Variants in RBM22 observed in about 807,000 individuals in gnomAD.
RBM22 encodes RNA binding motif protein 22.
In RBM22, 1 loss-of-function variant was observed where a neutral mutation model predicts 50.1. The observed-to-expected ratio is 0.02, with a 90% confidence interval of 0.01 to 0.09. The LOEUF is 0.09. Among genes scored for constraint, RBM22 ranks in the 10% least tolerant of loss-of-function variants. RBM22 has a pLI of 1.00. For missense variants in RBM22, 264 were observed against 529.3 expected (o/e 0.50, Z 4.92); for synonymous variants, 152 against 179.0 (o/e 0.85, Z 1.20).
intron 3 of RBM22, 54 bp from the exon 4 acceptor site, chr5:150,698,685 T>A: frequency 6.3e-7 from 1 of 1,595,736 alleles, no homozygotes; most frequent in Non-Finnish European, 8.5e-7. Context: ...CTGGGCAATC[T>A]GGAGATCTGA....
chr5:150,695,292 AG>A (rs1406972472), intron 7 of RBM22: 1 of 546,622 alleles, frequency 1.8e-6, no homozygotes, highest in East Asian at 3.1e-5. Flanking sequence ...TTGAGATTAC[AG>A]GCATGAGGCA....
rs1278544167 is a variant in RBM22 at position 150,699,397 on chromosome 5, A to AGAG, written c.109-127_109-126insCTC. 1.4e-5 allele frequency: 19 copies of AGAG among 1,310,846 alleles called. No individual in the cohort carries two copies. In the African/African-American group the frequency reaches 2.9e-4, roughly 20 times the overall value. The allele number at this position is 1,310,846 out of a possible 1,614,324, so 81.2% of individuals were successfully genotyped here. ...TCCCTGGCATCCTAGAGAGAGAAAA[A>AGAG]CAGCAACAACAAAACCCAAAACCCA... On this transcript the variant is annotated intron_variant, in intron 2 of 10. Coordinates refer to ENST00000199814, the MANE Select transcript of RBM22 (RefSeq NM_018047.3).
chr5:150,698,875 A>G lies in RBM22; in HGVS notation c.139-244T>C, dbSNP rs139683061. 8.5e-5 allele frequency among the ~76,000 whole-genome samples: 13 copies of G among 152,326 alleles called. No individual in the cohort carries two copies. In the East Asian group the frequency reaches 2.5e-3, roughly 29 times the overall value. On this transcript the variant is annotated intron_variant, in intron 3 of 10. Coordinates refer to ENST00000199814, the MANE Select transcript of RBM22 (RefSeq NM_018047.3). The stretch of plus-strand genomic sequence containing the variant: ...TCTTCCCATCCTAGAGCTAAGCACC[A>G]ATAATAATCTGAACCTTAATCTTTT...
rs776590022 is a variant in RBM22, at chr5:150,696,936, CAT to C, written c.272-47_272-46del. 1.3e-6 allele frequency: 2 copies of C among 1,539,506 alleles called. No homozygotes were observed. Among genetic ancestry groups the C allele is most frequent in the Admixed American group, 3.4e-5 (2 of 59,410 alleles). On this transcript the variant is annotated intron_variant, in intron 4 of 10. Transcript: ENST00000199814. This position sits in a 1 kb window ranked among gnomAD's most constrained non-coding sequence, Gnocchi z 4.3. ...AAAAGACCTCAGATGTATTTTAAAACATATCCATACTAACCATGCACACAGAA... is the reference window on the plus strand; with the variant it reads ...AAAAGACCTCAGATGTATTTTAAAACATCCATACTAACCATGCACACAGAA...
intron 7 of RBM22, chr5:150,694,514 G>T (rs1759249195): frequency 2.7e-6 from 1 of 374,748 alleles, no homozygotes. Context: ...GTTCTTTAAA[G>T]ACCCTAAACC....
chr5:150,693,606 C>T (rs1759237761), intron 8 of RBM22, among the ~76,000 whole-genome samples: 1 of 152,250 alleles, frequency 6.6e-6, no homozygotes, highest in Admixed American at 6.5e-5. Flanking sequence ...TATTAGCCAT[C>T]ACTTCCCTGG....
rs749940276 is a variant in RBM22 at position 150,696,929 on chromosome 5, T to C, written c.272-38A>G. The C allele has an allele frequency of 1.9e-6, 3 of 1,577,366 alleles. No homozygotes were observed. Among genetic ancestry groups the C allele is most frequent in the Non-Finnish European group, 2.6e-6 (3 of 1,147,126 alleles). On this transcript the variant is annotated intron_variant, in intron 4 of 10. Transcript: ENST00000199814. This position sits in a 1 kb window ranked among gnomAD's most constrained non-coding sequence, Gnocchi z 4.3. The stretch of plus-strand genomic sequence containing the variant: ...AAGAGGAAAAAGACCTCAGATGTAT[T>C]TTAAAACATATCCATACTAACCATG...
rs766425991 is a variant in RBM22, at chr5:150,690,953, G to T, written c.*798C>A. 2.0e-5 allele frequency: 3 copies of T among 152,320 alleles called. No individual in the cohort carries two copies. The highest frequency in any genetic ancestry group is 2.9e-5 in the Non-Finnish European group (2 of 68,046). The allele number at this position is 152,320 out of a possible 1,614,324, so 9.4% of individuals were successfully genotyped here. On this transcript the variant is annotated 3_prime_UTR_variant, in exon 11 of 11. Coordinates refer to ENST00000199814, the MANE Select transcript of RBM22 (RefSeq NM_018047.3). ...AAGGTGAATGCTGAAGACCATCAGA[G>T]TCCCAGCAGGAGGTCACGTCTTTCA...
At chr5:150,700,255 C>T (rs1759328248) in intron 2 of RBM22, among the ~76,000 whole-genome samples, 189 bp downstream of exon 2, 2 of 152,164 alleles carry the variant, frequency 1.3e-5, no homozygotes, top group Non-Finnish European at 1.5e-5. Flanking sequence ...TCGTTATTAC[C>T]CCTACATTAC....
At chr5:150,692,118 G>C (rs1322487037) in intron 10 of RBM22, among the ~76,000 whole-genome samples, 1 of 152,140 alleles carries the variant, frequency 6.6e-6, no homozygotes, top group Non-Finnish European at 1.5e-5. Context: ...TGTCATCTGA[G>C]TCTCTGCTAT....
At position 150,693,009 on chromosome 5, in the gene RBM22, CAGG is replaced by C. The variant is rs757619117; in HGVS notation, c.1015_1017del (p.Pro339del). ...TTGGCAGAGGCTTCTTCTTCTGCTG[CAGG>C]AGGAGGAGGAAGAGCTGGAGGAGAG... On this transcript the variant is annotated inframe_deletion, in exon 10 of 11. Coordinates refer to ENST00000199814, the MANE Select transcript of RBM22 (RefSeq NM_018047.3). 2.7e-4 allele frequency: 437 copies of C among 1,610,876 alleles called. 5 individuals are homozygous for C. In the East Asian group the frequency reaches 9.4e-3, roughly 35 times the overall value.
In RBM22 at chr5:150,691,813, G is replaced by A; in HGVS notation, c.1201C>T (p.His401Tyr). The A allele has an allele frequency of 6.2e-7, 1 of 1,600,978 alleles. No individual in the cohort carries two copies. Residue 401 changes from histidine to tyrosine, a missense_variant, in exon 11 of 11, where the codon CAC becomes TAC. Physicochemically the swap from His to Tyr is moderately conservative, Grantham distance 83. This residue lies in a region of RBM22 where 106 missense variants were observed against 137.1 expected (regional missense o/e 0.77). Coordinates refer to ENST00000199814, the MANE Select transcript of RBM22 (RefSeq NM_018047.3). The part of the protein sequence containing the change: ...PPFMRAPGPI[H>Y]YPSQDPQRMG... ...CTCTGAGGGTCCTGAGAAGGATAGT[G>A]GATTGGTCCTGGAGCCCGCATGAAA...
chr5:150,696,651 T>C lies in RBM22; in HGVS notation c.427A>G (p.Thr143Ala), dbSNP rs555371168. The change falls in exon 6 of 11, where the codon ACC becomes GCC. Residue 143 changes from threonine to alanine, a missense_variant. Physicochemically the swap from Thr to Ala is moderately conservative, Grantham distance 58 (BLOSUM62 0). This residue lies in a region of RBM22 where 44 missense variants were observed against 57.9 expected (regional missense o/e 0.76). Transcript: ENST00000199814. The surrounding 1 kb of genome is among the most constrained non-coding windows in gnomAD (Gnocchi z 4.3). ...GCCAGTTTGAGCAGCATGTCACTGG[T>C]AGATGTGGCTTTCCCCAGCATGCCA... The part of the protein sequence containing the change: ...PVGMLGKATS[T>A]SDMLLKLART... 1.2e-5 allele frequency: 20 copies of C among 1,614,176 alleles called. No homozygotes were observed. Among genetic ancestry groups the C allele is most frequent in the South Asian group, 7.7e-5 (7 of 91,086 alleles).
At position 150,691,636 on chromosome 5, in the gene RBM22, A is replaced by G. The variant is rs1172410872; in HGVS notation, c.*115T>C. The G allele has an allele frequency of 8.0e-7, 1 of 1,247,794 alleles. No individual in the cohort carries two copies. 77.3% of individuals were successfully genotyped at this position (1,247,794 alleles called of 1,614,324 possible). On this transcript the variant is annotated 3_prime_UTR_variant, in exon 11 of 11. Coordinates refer to ENST00000199814, the MANE Select transcript of RBM22 (RefSeq NM_018047.3). ...GTCAGTCTCTGACTGCTCACATCTG[A>G]GCACATTCAGCTACCATGGAAACTA...
Position 150,691,892 on chromosome 5 carries a change from G to C in RBM22, c.1133-11C>G. ...TGTGTGGCCCAAAACCTGCAGATAC[G>C]AGAGAACAAATGTGTTAGGCTGGTA... On this transcript the variant is annotated splice_polypyrimidine_tract_variant and intron_variant, in intron 10 of 10. Transcript: ENST00000199814. The C allele has an allele frequency of 6.4e-7, 1 of 1,558,392 alleles. No homozygotes were observed. The highest frequency in any genetic ancestry group is 8.7e-7 in the Non-Finnish European group (1 of 1,152,396).
chr5:150,692,965 T>C lies in RBM22; in HGVS notation c.1062A>G (p.Pro354=), dbSNP rs776514092. ...TGTTCACCACAGCTGGAGGACCACT[T>C]GGGGGCAAGTTGAAGTAGTTGGCAG... is the stretch of plus-strand genomic sequence containing the variant. ...EASANYFNLP[P]SGPPAVVNIA... Residue 354 remains proline (P), a synonymous_variant, in exon 10 of 11, where the codon CCA becomes CCG. Transcript: ENST00000199814. The C allele has an allele frequency of 2.5e-6, 4 of 1,613,076 alleles. No individual in the cohort carries two copies. The African/African-American group carries it at 5.3e-5, about 22-fold the overall frequency.
chr5:150,691,761 C>T lies in RBM22; in HGVS notation c.1253G>A (p.Ser418Asn), dbSNP rs1238922201. 2 of 1,590,584 alleles carry T rather than the reference C, an allele frequency of 1.3e-6. No homozygotes were observed. Among genetic ancestry groups the T allele is most frequent in the African/African-American group, 1.3e-5 (1 of 74,458 alleles). ...QRMGAHAGKH[S>N]SP ...AGTGGTGACAAGGTGCTAGGGGCTGCTGTGTTTTCCAGCATGAGCTCCCAT... is the reference window on the plus strand; with the variant it reads ...AGTGGTGACAAGGTGCTAGGGGCTGTTGTGTTTTCCAGCATGAGCTCCCAT... Residue 418 changes from serine to asparagine, a missense_variant, in exon 11 of 11, where the codon AGC becomes AAC. Transcript: ENST00000199814.
At chr5:150,693,073 C>T (rs759241754) in intron 9 of RBM22, 47 bp from the exon 10 acceptor site, 2 of 1,573,246 alleles carry the variant, frequency 1.3e-6, no homozygotes, top group Non-Finnish European at 1.7e-6. Context: ...AACAATTGTG[C>T]AACGCTGTTT....
At position 150,700,877 on chromosome 5, in the gene RBM22, G is replaced by C. The variant is rs749586284; in HGVS notation, c.54+55C>G. On this transcript the variant is annotated intron_variant, in intron 1 of 10. Coordinates refer to ENST00000199814, the MANE Select transcript of RBM22 (RefSeq NM_018047.3). ...GCCGCAGGCCCTGTCCTGCCAGCTT[G>C]CAAGGTGCGCGGCTTCGCCTCCTCC... 3.7e-6 allele frequency: 6 copies of C among 1,614,006 alleles called. No individual in the cohort carries two copies. In the East Asian group the frequency reaches 1.3e-4, roughly 36 times the overall value.
Sources: allele counts gnomAD v4.1 joint callset (sites outside exome capture counted in the v4.1 genomes callset), GRCh38; gene constraint gnomAD v4.1.1; regional missense constraint gnomAD v4.1.1; non-coding constraint Gnocchi (gnomAD v3.1); transcripts MANE v1.5; gene names NCBI Gene and HGNC (gene_info 2026-07-23, HGNC 2026-07-21).